Variants in ZNF609 observed in about 807,000 individuals in gnomAD.
ZNF609 encodes zinc finger protein 609.
Under a neutral mutation model 109.5 loss-of-function variants are expected in ZNF609, and 11 were observed. That is an observed-to-expected ratio of 0.10 (90% CI 0.06 to 0.17). The LOEUF is 0.17. Ranked by LOEUF, ZNF609 falls within the 10% of genes least tolerant of loss-of-function variation. The pLI is 1.00. For missense variants in ZNF609, 1,559 were observed against 1,772.4 expected (o/e 0.88, Z 2.16); for synonymous variants, 646 against 662.0 (o/e 0.98, Z 0.37).
At chr15:64,656,943 C>T (rs762488321) in intron 3 of ZNF609, among the ~76,000 whole-genome samples, 10 of 152,148 alleles carry the variant, frequency 6.6e-5, no homozygotes, top group Non-Finnish European at 1.5e-4. Context: ...TTCAGTAGCA[C>T]TTGGCACAAT....
intron 2 of ZNF609, among the ~76,000 whole-genome samples, chr15:64,528,262 T>A (rs894387012): frequency 5.9e-5 from 9 of 151,914 alleles, no homozygotes; most frequent in African/African-American, 1.9e-4. Context: ...CACGCCCAGC[T>A]AATTTTTGAA....
intron 3 of ZNF609, among the ~76,000 whole-genome samples, chr15:64,664,471 T>G (rs1896620362): frequency 1.3e-5 from 2 of 152,208 alleles, no homozygotes; most frequent in South Asian, 4.1e-4. Flanking sequence ...TCAAACATGC[T>G]GAGCCTTTCC....
intron 2 of ZNF609, among the ~76,000 whole-genome samples, chr15:64,608,695 A>G (rs528263600): frequency 1.3e-5 from 2 of 151,192 alleles, no homozygotes; most frequent in Middle Eastern, 6.8e-3. Flanking sequence ...TTTTATTTCA[A>G]AATTGTTATA....
At chr15:64,556,725 G>GT (rs1894594583) in intron 2 of ZNF609, among the ~76,000 whole-genome samples, 1 of 152,038 alleles carries the variant, frequency 6.6e-6, no homozygotes, top group Non-Finnish European at 1.5e-5. Flanking sequence ...GTTCTTGGTT[G>GT]TTATATACAG....
Position 64,676,289 on chromosome 15 carries a change from C to T in ZNF609, c.3402+33C>T, listed in dbSNP as rs187743371. 299 of 1,553,974 alleles carry T rather than the reference C, an allele frequency of 1.9e-4. 2 individuals carry two copies. The African/African-American group carries it at 3.5e-3, about 18-fold the overall frequency. On this transcript the variant is annotated intron_variant, in intron 5 of 9. Coordinates refer to ENST00000326648, the MANE Select transcript of ZNF609 (RefSeq NM_015042.2). ...TTGCCCTGGGAGGAAGTGGAAATAC[C>T]GTATGGTAATCGTCTATCTTCCTCA...
intron 1 of ZNF609, among the ~76,000 whole-genome samples, chr15:64,474,597 C>T (rs1893140878): frequency 6.6e-6 from 1 of 152,078 alleles, no homozygotes; most frequent in Non-Finnish European, 1.5e-5. Flanking sequence ...TTGCATACTA[C>T]ATACAACTGC....
At chr15:64,663,969 C>T in intron 3 of ZNF609, among the ~76,000 whole-genome samples, 1 of 152,192 alleles carries the variant, frequency 6.6e-6, no homozygotes, top group Non-Finnish European at 1.5e-5. Context: ...TGGCTCATGC[C>T]TGTAATCCCA....
chr15:64,510,205 C>CTTT (rs11413947), intron 2 of ZNF609, among the ~76,000 whole-genome samples: 1 of 137,914 alleles, frequency 7.3e-6, no homozygotes. Context: ...ATTTTTTTTT[C>CTTT]TTTTTTTTTT....
chr15:64,588,426 T>TA (rs1167575851), intron 2 of ZNF609, among the ~76,000 whole-genome samples: 1 of 5,896 alleles, frequency 1.7e-4, no homozygotes, highest in African/African-American at 3.4e-4. Context: ...ACACTCTGTC[T>TA]AAAAAAAAAA....
intron 2 of ZNF609, among the ~76,000 whole-genome samples, chr15:64,520,317 GAC>G (rs1893873505): frequency 6.6e-6 from 1 of 152,120 alleles, no homozygotes; most frequent in Non-Finnish European, 1.5e-5. Context: ...TCCAAGGTAA[GAC>G]AACCAAAAAT....
At chr15:64,599,263 G>A (rs1595733587) in intron 2 of ZNF609, among the ~76,000 whole-genome samples, 1 of 127,660 alleles carries the variant, frequency 7.8e-6, no homozygotes, top group Non-Finnish European at 1.5e-5. Flanking sequence ...ATTAATCTCT[G>A]CACCCTCCCT....
At chr15:64,465,060 C>G (rs902607584) in intron 1 of ZNF609, among the ~76,000 whole-genome samples, 1 of 152,106 alleles carries the variant, frequency 6.6e-6, no homozygotes, top group Non-Finnish European at 1.5e-5. Context: ...CCCTACACGG[C>G]TCTATTGTAT....
At chr15:64,466,116 C>CAAAAAA (rs749648623) in intron 1 of ZNF609, among the ~76,000 whole-genome samples, 1 of 81,886 alleles carries the variant, frequency 1.2e-5, no homozygotes, top group Non-Finnish European at 2.2e-5. Flanking sequence ...AACCCTGTCT[C>CAAAAAA]AAAAAAAAAA....
intron 3 of ZNF609, among the ~76,000 whole-genome samples, chr15:64,651,432 T>C (rs1896413647): frequency 6.6e-6 from 1 of 152,206 alleles, no homozygotes; most frequent in South Asian, 2.1e-4. Context: ...CACTTTTGGC[T>C]AAATTATAGA....
intron 2 of ZNF609, among the ~76,000 whole-genome samples, chr15:64,539,807 T>C (rs1894219145): frequency 6.9e-6 from 1 of 145,166 alleles, no homozygotes. Context: ...TGCCTAATTT[T>C]TGTATTTTTA....
chr15:64,581,601 T>G (rs574260859), intron 2 of ZNF609, among the ~76,000 whole-genome samples: 17 of 152,154 alleles, frequency 1.1e-4, no homozygotes, highest in African/African-American at 4.1e-4. Flanking sequence ...ATAATGATAA[T>G]TCCCTGGGAA....
chr15:64,574,405 A>G (rs946352344), intron 2 of ZNF609, among the ~76,000 whole-genome samples: 5 of 152,042 alleles, frequency 3.3e-5, no homozygotes, highest in Non-Finnish European at 5.9e-5. Flanking sequence ...AGTATTTAGT[A>G]TCTCCTGATC....
chr15:64,668,016 A>AG (rs1163755302), intron 3 of ZNF609, among the ~76,000 whole-genome samples: 1 of 152,196 alleles, frequency 6.6e-6, no homozygotes, highest in African/African-American at 2.4e-5. Flanking sequence ...TTAGAATAGA[A>AG]GTGTGATATC....
At chr15:64,477,426 C>T (rs1394338613) in intron 1 of ZNF609, among the ~76,000 whole-genome samples, 4 of 151,966 alleles carry the variant, frequency 2.6e-5, no homozygotes, top group Non-Finnish European at 5.9e-5. Context: ...AGGCGTGAGC[C>T]ACCACGCCTG....
Sources: allele counts gnomAD v4.1 joint callset (sites outside exome capture counted in the v4.1 genomes callset), GRCh38; gene constraint gnomAD v4.1.1; transcripts MANE v1.5; gene names NCBI Gene and HGNC (gene_info 2026-07-23, HGNC 2026-07-21).